Variants in STUM observed in about 807,000 individuals in gnomAD.
The protein encoded by STUM is protein stum homolog.
Under a neutral mutation model 15.3 loss-of-function variants are expected in STUM, and 8 were observed. The observed-to-expected ratio is 0.52, with a 90% CI of 0.31 to 0.94. STUM has a LOEUF of 0.94. STUM is among the 40% of genes least tolerant of loss of function. The pLI is 0.05. For missense variants in STUM, 142 were observed against 204.9 expected (o/e 0.69, Z 1.87); for synonymous variants, 78 against 88.7 (o/e 0.88, Z 0.68).
Position 226,606,861 on chromosome 1 carries a change from C to T in STUM, c.*4821C>T, listed in dbSNP as rs1571819188. The T allele has an allele frequency of 1.3e-5, 2 of 152,402 alleles. No homozygotes were observed. Among genetic ancestry groups the T allele is most frequent in the Middle Eastern group, 3.4e-3 (1 of 294 alleles). 9.4% of individuals were successfully genotyped at this position (152,402 alleles called of 1,614,324 possible). Reference sequence around the variant, plus strand: ...CGGGCAGTCCTCACCAGGGGGACACCTCCCTGCTTTGCATTAACTCATCAG... The same window carrying T: ...CGGGCAGTCCTCACCAGGGGGACACTTCCCTGCTTTGCATTAACTCATCAG... On this transcript the variant is annotated 3_prime_UTR_variant, in exon 4 of 4. Transcript: ENST00000366788.
At chr1:226,584,007 C>A (rs111462380) in intron 1 of STUM, among the ~76,000 whole-genome samples, 7 of 150,646 alleles carry the variant, frequency 4.6e-5, no homozygotes, top group African/African-American at 1.5e-4. Flanking sequence ...TTTAGTGGTG[C>A]GAAAAAAAAA....
At chr1:226,563,307 A>G (rs1437616488) in intron 1 of STUM, among the ~76,000 whole-genome samples, 1 of 152,240 alleles carries the variant, frequency 6.6e-6, no homozygotes, top group African/African-American at 2.4e-5. Flanking sequence ...GTCAGGGGCT[A>G]TCTGGGGACC....
At chr1:226,559,566 GA>G (rs1667503755) in intron 1 of STUM, among the ~76,000 whole-genome samples, 1 of 152,156 alleles carries the variant, frequency 6.6e-6, no homozygotes, top group African/African-American at 2.4e-5. Flanking sequence ...ACCTGTCAGT[GA>G]CCACATCAAT....
At chr1:226,553,400 G>A (rs953454645) in intron 1 of STUM, among the ~76,000 whole-genome samples, 7 of 152,126 alleles carry the variant, frequency 4.6e-5, no homozygotes, top group Admixed American at 2.6e-4. Context: ...AAGACAAAGA[G>A]CCATGCAAAA....
rs1176153597 is a variant in STUM, at chr1:226,603,571, A to C, written c.*1531A>C. 2 of 152,232 alleles carry C rather than the reference A, an allele frequency of 1.3e-5. No individual in the cohort carries two copies. The allele number at this position is 152,232 out of a possible 1,614,324, so 9.4% of individuals were successfully genotyped here. A position where few individuals can be genotyped will look rare whatever the true frequency, so the allele number is the denominator to read the frequency against. ...TTGTTTGTCTATCAGAGACTGTCAG[A>C]ACTCCATGAGGGCAGGAGAAGGGAT... On this transcript the variant is annotated 3_prime_UTR_variant, in exon 4 of 4. Coordinates refer to ENST00000366788, the MANE Select transcript of STUM (RefSeq NM_001003665.4).
At position 226,575,710 on chromosome 1, in the gene STUM, A is replaced by G. The variant is rs1202626617; in HGVS notation, c.203-21092A>G. ...GGACAAAAATAACTAACACCATGTCATATCTGGTCACCCATTTTTCAGCTC... is the reference window on the plus strand; with the variant it reads ...GGACAAAAATAACTAACACCATGTCGTATCTGGTCACCCATTTTTCAGCTC... On this transcript the variant is annotated intron_variant, in intron 1 of 3. Transcript: ENST00000366788. 2.0e-5 allele frequency among the ~76,000 whole-genome samples: 3 copies of G among 152,370 alleles called. No individual in the cohort carries two copies. In the East Asian group the frequency reaches 5.8e-4, roughly 29 times the overall value.
chr1:226,590,019 T>C lies in STUM; in HGVS notation c.203-6783T>C, dbSNP rs373881054. Among the ~76,000 whole-genome samples the C allele has an allele frequency of 2.0e-5, 3 of 152,234 alleles. No individual in the cohort carries two copies. In the South Asian group the frequency reaches 6.2e-4, roughly 32 times the overall value. On this transcript the variant is annotated intron_variant, in intron 1 of 3. Transcript: ENST00000366788. ...AGTCTAGAGGTGGAACCTTAGTATC[T>C]GCATATGAACCCCAGTTTGAGACGT...
intron 1 of STUM, among the ~76,000 whole-genome samples, chr1:226,569,646 CTTGCA>C (rs1256402224): frequency 6.6e-6 from 1 of 152,156 alleles, no homozygotes; most frequent in African/African-American, 2.4e-5. Context: ...GGCCAGATAA[CTTGCA>C]TTGTTTGAAA....
intron 1 of STUM, among the ~76,000 whole-genome samples, chr1:226,582,517 C>G (rs1378242301): frequency 6.6e-6 from 1 of 151,754 alleles, no homozygotes. Flanking sequence ...ATCACTTGAA[C>G]CTGGGAGGTG....
At chr1:226,595,160 C>T (rs530391099) in intron 1 of STUM, among the ~76,000 whole-genome samples, 3 of 152,304 alleles carry the variant, frequency 2.0e-5, no homozygotes, top group Admixed American at 1.3e-4. Flanking sequence ...CCCAGGGGGC[C>T]GCTGGTGTAA....
intron 1 of STUM, among the ~76,000 whole-genome samples, chr1:226,559,973 C>CA (rs61708964): frequency 7.4e-4 from 104 of 141,288 alleles, no homozygotes; most frequent in Non-Finnish European, 8.9e-4. Context: ...GACTCCGTCT[C>CA]AAAAAAAAAA....
At chr1:226,587,673 G>A (rs925093406) in intron 1 of STUM, among the ~76,000 whole-genome samples, 5 of 152,198 alleles carry the variant, frequency 3.3e-5, no homozygotes, top group Non-Finnish European at 5.9e-5. Flanking sequence ...GCCTCTGGAT[G>A]TGGGGGAGCA....
chr1:226,570,121 T>G (rs1282633177), intron 1 of STUM, among the ~76,000 whole-genome samples: 1 of 152,162 alleles, frequency 6.6e-6, no homozygotes, highest in Non-Finnish European at 1.5e-5. Context: ...GGCTCCAGGC[T>G]GGAGTGATGC....
chr1:226,556,213 A>C (rs1667443273), intron 1 of STUM, among the ~76,000 whole-genome samples: 1 of 152,182 alleles, frequency 6.6e-6, no homozygotes, highest in Admixed American at 6.5e-5. Flanking sequence ...GTCTCAATAA[A>C]GTGTAGATAG....
rs554755307 is a variant in STUM, at chr1:226,568,982, A to C, written c.202+19876A>C. ...CAAGGGGACCTTGCTGTGCCCACAC[A>C]CAAGGGGACCTTGCTGTGCCCATGC... On this transcript the variant is annotated intron_variant, in intron 1 of 3. Transcript: ENST00000366788. Among the ~76,000 whole-genome samples the C allele has an allele frequency of 1.2e-3, 179 of 152,140 alleles. 2 individuals are homozygous for C. The highest frequency in any genetic ancestry group is 4.2e-3 in the African/African-American group (173 of 41,516).
At chr1:226,556,753 T>TCATGATGC (rs1217892863) in intron 1 of STUM, among the ~76,000 whole-genome samples, 2 of 152,178 alleles carry the variant, frequency 1.3e-5, no homozygotes, top group Non-Finnish European at 2.9e-5. Context: ...TCTGACAAAG[T>TCATGATGC]CATGATGCCC....
chr1:226,592,506 A>G (rs571466811), intron 1 of STUM, among the ~76,000 whole-genome samples: 3 of 152,342 alleles, frequency 2.0e-5, no homozygotes, highest in African/African-American at 7.2e-5. Flanking sequence ...AATGGGGATA[A>G]TAATAACTAC....
rs575176177 is a variant in STUM, at chr1:226,603,074, C to T, written c.*1034C>T. 1 of 152,340 alleles carries T rather than the reference C, an allele frequency of 6.6e-6. No homozygotes were observed. Among genetic ancestry groups the T allele is most frequent in the South Asian group, 2.1e-4 (1 of 4,828 alleles). 9.4% of individuals were successfully genotyped at this position (152,340 alleles called of 1,614,324 possible). A position where few individuals can be genotyped will look rare whatever the true frequency, so the allele number is the denominator to read the frequency against. ...GTAAATAGCCTCACCTCAGTTCAGT[C>T]TAATTTTGCCACTAAGTAACTTAGG... On this transcript the variant is annotated 3_prime_UTR_variant, in exon 4 of 4. Coordinates refer to ENST00000366788, the MANE Select transcript of STUM (RefSeq NM_001003665.4).
chr1:226,580,165 G>A (rs1667896209), intron 1 of STUM, among the ~76,000 whole-genome samples: 1 of 152,150 alleles, frequency 6.6e-6, no homozygotes, highest in Non-Finnish European at 1.5e-5. Context: ...GGGCTGTGTG[G>A]GAGGAGGAGC....
Sources: allele counts gnomAD v4.1 joint callset (sites outside exome capture counted in the v4.1 genomes callset), GRCh38; gene constraint gnomAD v4.1.1; transcripts MANE v1.5; gene names NCBI Gene and HGNC (gene_info 2026-07-23, HGNC 2026-07-21).